ADORA1: variants seen among roughly 807,000 people sequenced by gnomAD.
ADORA1 encodes adenosine receptor A1.
In ADORA1, 6 loss-of-function variants were observed where a neutral mutation model predicts 19.9. The ratio of observed to expected loss-of-function variants is 0.30; its 90% CI spans 0.17 to 0.59. The LOEUF is 0.59. Ranked by LOEUF, ADORA1 falls within the 20% of genes least tolerant of loss-of-function variation. The pLI is 0.87. For missense variants in ADORA1, 302 were observed against 439.2 expected, an observed-to-expected ratio of 0.69 and a Z score of 2.79; for synonymous variants, 194 against 188.4, an observed-to-expected ratio of 1.03 and a Z score of -0.24.
At chr1:203,149,700 A>G (rs749946694) in intron 3 of ADORA1, among the ~76,000 whole-genome samples, 22 of 152,178 alleles carry the variant, frequency 1.4e-4, no homozygotes, top group Admixed American at 1.4e-3. Flanking sequence ...TGTTGGGAGC[A>G]GAGCTCTGCT....
intron 3 of ADORA1, among the ~76,000 whole-genome samples, chr1:203,139,860 C>T (rs966507467): frequency 2.0e-5 from 3 of 152,154 alleles, no homozygotes; most frequent in Admixed American, 6.5e-5. Flanking sequence ...CAAAACCCCA[C>T]GTCGATGTCC....
At chr1:203,142,148 TC>T (rs944630525) in intron 3 of ADORA1, among the ~76,000 whole-genome samples, 8 of 152,196 alleles carry the variant, frequency 5.3e-5, no homozygotes, top group Non-Finnish European at 1.2e-4. Context: ...TAGTGTACGT[TC>T]AAGGGCTGGC....
chr1:203,128,724 G>C lies in ADORA1; in HGVS notation c.-57-61G>C. The C allele has an allele frequency of 6.7e-7, 1 of 1,496,666 alleles. No individual in the cohort carries two copies. Among genetic ancestry groups the C allele is most frequent in the South Asian group, 1.3e-5 (1 of 74,410 alleles). 92.7% of individuals were successfully genotyped at this position (1,496,666 alleles called of 1,614,324 possible). ...ACAGGGTACCTGGAGTTCCAGGGCAGCCTGAGCTCCCTGCCCCTCCCAGAC... is the reference window on the plus strand; with the variant it reads ...ACAGGGTACCTGGAGTTCCAGGGCACCCTGAGCTCCCTGCCCCTCCCAGAC... On this transcript the variant is annotated intron_variant, in intron 2 of 3. Transcript: ENST00000337894. This position sits in a 1 kb window ranked among gnomAD's most constrained non-coding sequence, Gnocchi z 5.9.
intron 3 of ADORA1, among the ~76,000 whole-genome samples, chr1:203,149,275 C>T (rs1249786191): frequency 2.6e-5 from 4 of 152,152 alleles, no homozygotes; most frequent in Admixed American, 6.5e-5. Context: ...TCTTCCTCCC[C>T]CACACACATC....
At chr1:203,147,645 A>G (rs1402248559) in intron 3 of ADORA1, among the ~76,000 whole-genome samples, 2 of 152,204 alleles carry the variant, frequency 1.3e-5, no homozygotes, top group Non-Finnish European at 2.9e-5. Context: ...CTGCATTTTA[A>G]AAGGACCCCA....
At chr1:203,164,306 C>G (rs950709776) in intron 3 of ADORA1, among the ~76,000 whole-genome samples, 2 of 152,234 alleles carry the variant, frequency 1.3e-5, no homozygotes, top group Admixed American at 6.5e-5. Context: ...TTATCTGTCT[C>G]TTCACCCAAA....
rs1655523202 is a variant in ADORA1, at chr1:203,165,612, G to T, written c.693G>T (p.Lys231Asn). The stretch of plus-strand genomic sequence containing the variant: ...AGAAGTACTATGGGAAGGAGCTGAA[G>T]ATCGCCAAGTCGCTGGCCCTCATCC... Reference protein sequence around the residue: ...DPQKYYGKELKIAKSLALILF... With the variant: ...DPQKYYGKELNIAKSLALILF... The change falls in exon 4 of 4, where the codon AAG (lysine) becomes AAT (asparagine). Residue 231 changes from lysine to asparagine, a missense_variant. Transcript: ENST00000337894. This position sits in a 1 kb window ranked among gnomAD's most constrained non-coding sequence, Gnocchi z 5.9. 1 of 1,613,476 alleles carries T rather than the reference G, an allele frequency of 6.2e-7. No homozygotes were observed. Among genetic ancestry groups the T allele is most frequent in the Non-Finnish European group, 8.5e-7 (1 of 1,179,484 alleles).
intron 3 of ADORA1, among the ~76,000 whole-genome samples, chr1:203,146,183 T>A (rs1455726430): frequency 2.0e-5 from 3 of 152,192 alleles, no homozygotes; most frequent in African/African-American, 7.2e-5. Context: ...GGGGCCTACA[T>A]GTTGGGCATC....
intron 3 of ADORA1, among the ~76,000 whole-genome samples, chr1:203,143,867 C>A (rs913435148): frequency 6.6e-6 from 1 of 152,200 alleles, no homozygotes; most frequent in Non-Finnish European, 1.5e-5. Context: ...AGACACGTTT[C>A]CAACGGCCAC....
At chr1:203,130,994 C>A (rs181802947) in intron 3 of ADORA1, among the ~76,000 whole-genome samples, 1 of 152,182 alleles carries the variant, frequency 6.6e-6, no homozygotes, top group Non-Finnish European at 1.5e-5. Context: ...CTTACCTAAC[C>A]GCTTTAAGCT....
At chr1:203,156,643 CTCTT>C (rs1655207430) in intron 3 of ADORA1, among the ~76,000 whole-genome samples, 1 of 152,212 alleles carries the variant, frequency 6.6e-6, no homozygotes, top group African/African-American at 2.4e-5. Context: ...ATCTTGTTGA[CTCTT>C]TCTCTCACCT....
At chr1:203,148,760 T>C (rs1408496469) in intron 3 of ADORA1, among the ~76,000 whole-genome samples, 1 of 152,232 alleles carries the variant, frequency 6.6e-6, no homozygotes, top group Non-Finnish European at 1.5e-5. Flanking sequence ...ACTCTATGCC[T>C]GTTCCCCCAC....
chr1:203,156,222 TA>T (rs891636368), intron 3 of ADORA1, among the ~76,000 whole-genome samples: 11 of 151,694 alleles, frequency 7.3e-5, no homozygotes, highest in Non-Finnish European at 1.3e-4. Flanking sequence ...GATAGTTAGA[TA>T]GGGGGGAAGA....
intron 3 of ADORA1, chr1:203,164,972 C>A (rs913074907): frequency 2.6e-5 from 38 of 1,465,464 alleles, no homozygotes; most frequent in Non-Finnish European, 3.3e-5. Context: ...TTACTGTGGT[C>A]ATTTCCTTGA....
chr1:203,150,791 T>C, intron 3 of ADORA1: 1 of 1,289,062 alleles, frequency 7.8e-7, no homozygotes, highest in South Asian at 1.2e-5. Flanking sequence ...GGTGAGCTCT[T>C]CCTGTCTTCT....
At chr1:203,135,098 T>A (rs1323608351) in intron 3 of ADORA1, among the ~76,000 whole-genome samples, 1 of 152,290 alleles carries the variant, frequency 6.6e-6, no homozygotes, top group East Asian at 1.9e-4. Context: ...ACTCATCACC[T>A]GGGTAGCTTT....
rs763080852 is a variant in ADORA1, at chr1:203,128,306, C to T, written c.-184C>T. ...GGGCTGGGAGCGCTGCGGCGGGAGC[C>T]GGAGGACTATGAGCTGCCGCGCGTT... On this transcript the variant is annotated 5_prime_UTR_variant, in exon 2 of 4. Coordinates refer to ENST00000337894, the MANE Select transcript of ADORA1 (RefSeq NM_000674.3). The surrounding 1 kb of genome is among the most constrained non-coding windows in gnomAD (Gnocchi z 5.9). 3 of 1,280,926 alleles carry T rather than the reference C, an allele frequency of 2.3e-6. No individual in the cohort carries two copies. Among genetic ancestry groups the T allele is most frequent in the South Asian group, 2.5e-5 (2 of 80,600 alleles). 79.3% of individuals were successfully genotyped at this position (1,280,926 alleles called of 1,614,324 possible). A position where few individuals can be genotyped will look rare whatever the true frequency, so the allele number is the denominator to read the frequency against.
chr1:203,150,952 C>G (rs1435512304), intron 3 of ADORA1, among the ~76,000 whole-genome samples: 1 of 152,202 alleles, frequency 6.6e-6, no homozygotes, highest in Non-Finnish European at 1.5e-5. Flanking sequence ...CAAGAGGCAC[C>G]TCCTCTTGTC....
At position 203,128,409 on chromosome 1, in the gene ADORA1, C is replaced by A; in HGVS notation, c.-81C>A. 1.5e-6 allele frequency: 2 copies of A among 1,292,120 alleles called. No homozygotes were observed. Among genetic ancestry groups the A allele is most frequent in the Non-Finnish European group, 2.0e-6 (2 of 990,728 alleles). The allele number at this position is 1,292,120 out of a possible 1,614,324, so 80.0% of individuals were successfully genotyped here. ...GAACTTTGGGCACTGCCTCTGGGACCCCTGCCGGCCAGCAGGCAGGATGGT... is the reference window on the plus strand; with the variant it reads ...GAACTTTGGGCACTGCCTCTGGGACACCTGCCGGCCAGCAGGCAGGATGGT... On this transcript the variant is annotated 5_prime_UTR_variant, in exon 2 of 4. Transcript: ENST00000337894. The surrounding 1 kb of genome is among the most constrained non-coding windows in gnomAD (Gnocchi z 5.9).
Sources: gnomAD v4.1 joint callset for allele counts (sites outside exome capture counted in the v4.1 genomes callset) on GRCh38, gnomAD v4.1.1 for gene constraint, Gnocchi (gnomAD v3.1) non-coding constraint, MANE v1.5 for transcripts, NCBI Gene and HGNC (gene_info 2026-07-23, HGNC 2026-07-21) for gene names.